Variants in PPFIBP1 observed in about 807,000 individuals in gnomAD.
PPFIBP1 encodes the protein PPFIB scaffold protein 1.
A neutral mutation model predicts 137.8 loss-of-function variants in PPFIBP1; 112 were observed. The ratio of observed to expected loss-of-function variants is 0.81; its 90% confidence interval spans 0.70 to 0.95. The LOEUF is 0.95. Ranked by LOEUF, PPFIBP1 falls within the 40% of genes least tolerant of loss-of-function variation. The probability of loss-of-function intolerance (pLI) is 0.00; values close to 1 mark genes in which losing one functional copy is unlikely to be tolerated. For synonymous variants in PPFIBP1, 378 were observed against 417.3 expected, an observed-to-expected ratio of 0.91 and a Z score of 1.15; for missense variants, 1,083 against 1,196.6, an observed-to-expected ratio of 0.91 and a Z score of 1.40.
intron 1 of PPFIBP1, among the ~76,000 whole-genome samples, chr12:27,566,745 C>T (rs1437374907): frequency 6.6e-6 from 1 of 152,150 alleles, no homozygotes; most frequent in East Asian, 1.9e-4. Context: ...GATGAGGACC[C>T]TGAAGCACAG....
intron 7 of PPFIBP1, among the ~76,000 whole-genome samples, chr12:27,652,872 T>C (rs1303647316): frequency 6.6e-6 from 1 of 152,192 alleles, no homozygotes; most frequent in African/African-American, 2.4e-5. Flanking sequence ...GAAAAGCTGA[T>C]TTTTTTCTTT....
At chr12:27,543,880 C>CCCTTTT (rs1565736990) in intron 1 of PPFIBP1, among the ~76,000 whole-genome samples, 2 of 105,796 alleles carry the variant, frequency 1.9e-5, no homozygotes, top group Admixed American at 1.2e-4. Flanking sequence ...CCCGCCCCTG[C>CCCTTTT]TTTTTTTTTT....
intron 4 of PPFIBP1, among the ~76,000 whole-genome samples, chr12:27,638,777 C>T (rs9788268): frequency 0.59 from 89,362 of 151,980 alleles, 26,813 homozygotes; most frequent in Admixed American, 0.65. Flanking sequence ...ATTCCTCTGA[C>T]TGAAGAGAAG....
chr12:27,601,438 T>TG (rs1469150355), intron 2 of PPFIBP1, among the ~76,000 whole-genome samples: 3 of 152,152 alleles, frequency 2.0e-5, no homozygotes, highest in East Asian at 1.9e-4. Flanking sequence ...TTAATTAAAG[T>TG]GGGGGGCAGG....
chr12:27,629,405 TTCAG>T (rs1367664201), intron 2 of PPFIBP1, among the ~76,000 whole-genome samples: 1 of 152,168 alleles, frequency 6.6e-6, no homozygotes. Flanking sequence ...GGTGTCTCCT[TTCAG>T]TCACTCACCA....
chr12:27,669,519 T>A (rs2060052391), intron 13 of PPFIBP1, among the ~76,000 whole-genome samples: 1 of 152,188 alleles, frequency 6.6e-6, no homozygotes, highest in East Asian at 1.9e-4. Flanking sequence ...GCGACATTTT[T>A]AAAGAAAAGC....
intron 20 of PPFIBP1, 48 bp downstream of exon 20, chr12:27,679,687 C>A (rs1439556193): frequency 6.3e-7 from 1 of 1,587,320 alleles, no homozygotes. Flanking sequence ...TTACATGTTG[C>A]TTAAAAGTGG....
chr12:27,619,956 C>A (rs2056169904), intron 2 of PPFIBP1, among the ~76,000 whole-genome samples: 1 of 151,596 alleles, frequency 6.6e-6, no homozygotes, highest in South Asian at 2.1e-4. Flanking sequence ...CACATACATA[C>A]ATTTTATATA....
Position 27,617,399 on chromosome 12 carries a change from G to GGA in PPFIBP1, c.-35-15960_-35-15959dup, listed in dbSNP as rs2055879400. On this transcript the variant is annotated intron_variant, in intron 2 of 29. Transcript: ENST00000228425. ...CTTAATTGGAAGCAAATACAGAATT[G>GGA]GAGACGGTCAATCAAATGGAAGCTC... Among the ~76,000 whole-genome samples the GGA allele has an allele frequency of 2.0e-5, 3 of 152,270 alleles. No homozygotes were observed. The South Asian group carries it at 6.2e-4, about 32-fold the overall frequency.
rs186292651 is a variant in PPFIBP1 at position 27,671,348 on chromosome 12, A to G, written c.1147-83A>G. 412 of 757,738 alleles carry G rather than the reference A, an allele frequency of 5.4e-4. No homozygotes were observed. The African/African-American group carries it at 5.7e-3, about 10-fold the overall frequency. The allele number at this position is 757,738 out of a possible 1,614,324, so 46.9% of individuals were successfully genotyped here. Reference sequence around the variant, plus strand: ...ATGAGATTTTGTCAATAGACCGTTTAATTTTCTTATGTTTATTTAAATTAC... The same window carrying G: ...ATGAGATTTTGTCAATAGACCGTTTGATTTTCTTATGTTTATTTAAATTAC... On this transcript the variant is annotated intron_variant, in intron 13 of 29. Transcript: ENST00000228425.
intron 1 of PPFIBP1, among the ~76,000 whole-genome samples, chr12:27,551,244 C>A: frequency 6.6e-6 from 1 of 152,212 alleles, no homozygotes; most frequent in Non-Finnish European, 1.5e-5. Flanking sequence ...GAGCACCTAA[C>A]CCAGCCTTGT....
chr12:27,659,302 C>A (rs1022118283), intron 10 of PPFIBP1, among the ~76,000 whole-genome samples: 1 of 152,150 alleles, frequency 6.6e-6, no homozygotes, highest in Non-Finnish European at 1.5e-5. Flanking sequence ...TCTGTTGTTA[C>A]AACAGAGATT....
intron 2 of PPFIBP1, chr12:27,594,069 T>C: frequency 6.2e-6 from 8 of 1,287,964 alleles, no homozygotes; most frequent in Non-Finnish European, 6.0e-6. Flanking sequence ...CTCTCTCAAC[T>C]TGAGAAGCTT....
At chr12:27,657,012 G>A (rs777362459) in intron 9 of PPFIBP1, 9 of 252,286 alleles carry the variant, frequency 3.6e-5, no homozygotes, top group Middle Eastern at 2.7e-3. Flanking sequence ...TGTCTCAATT[G>A]CGATGCAAGG....
At chr12:27,535,764 C>A (rs758253135) in intron 1 of PPFIBP1, among the ~76,000 whole-genome samples, 1 of 152,138 alleles carries the variant, frequency 6.6e-6, no homozygotes, top group Non-Finnish European at 1.5e-5. Flanking sequence ...AAGTTGTCGA[C>A]GCATATGTAT....
chr12:27,567,672 A>G (rs1316160375), intron 1 of PPFIBP1, among the ~76,000 whole-genome samples: 1 of 152,110 alleles, frequency 6.6e-6, no homozygotes, highest in East Asian at 1.9e-4. Context: ...CATCTTTGAC[A>G]TTTTCCATAA....
chr12:27,563,644 G>A (rs1414682845), intron 1 of PPFIBP1, among the ~76,000 whole-genome samples: 1 of 152,042 alleles, frequency 6.6e-6, no homozygotes, highest in Non-Finnish European at 1.5e-5. Context: ...AACCCCCACA[G>A]CCAGCAAGGA....
intron 2 of PPFIBP1, among the ~76,000 whole-genome samples, chr12:27,581,151 T>TC (rs758865524): frequency 3.3e-5 from 5 of 152,208 alleles, no homozygotes; most frequent in Non-Finnish European, 5.9e-5. Context: ...CACCTTGGCC[T>TC]CCCACAGTGC....
intron 2 of PPFIBP1, among the ~76,000 whole-genome samples, chr12:27,623,522 G>A (rs573411966): frequency 2.0e-5 from 3 of 152,128 alleles, no homozygotes; most frequent in East Asian, 1.9e-4. Context: ...GCTATATAGC[G>A]AGACCTGGCC....
Sources: allele counts gnomAD v4.1 joint callset (sites outside exome capture counted in the v4.1 genomes callset), GRCh38; gene constraint gnomAD v4.1.1; transcripts MANE v1.5; gene names NCBI Gene and HGNC (gene_info 2026-07-23, HGNC 2026-07-21).